Variants in CSMD3 observed in about 807,000 individuals in gnomAD.
CSMD3 encodes CUB and Sushi multiple domains 3, also known as CUB and sushi domain-containing protein 3.
A neutral mutation model predicts 435.2 loss-of-function variants in CSMD3; 177 were observed. The ratio of observed to expected loss-of-function variants is 0.41; its 90% CI spans 0.36 to 0.46. The LOEUF (loss-of-function observed/expected upper bound fraction) is 0.46, where lower values mean the gene tolerates loss of function less well. Among genes scored for constraint, CSMD3 ranks in the 20% least tolerant of loss-of-function variants. The pLI, the probability that CSMD3 is intolerant of heterozygous loss-of-function variation, is 0.34. For synonymous variants in CSMD3, 1,656 were observed against 1,520.5 expected (o/e 1.09, Z -2.07); for missense variants, 4,265 against 4,504.6 (o/e 0.95, Z 1.52).
intron 10 of CSMD3, among the ~76,000 whole-genome samples, chr8:112,902,198 G>C (rs1333198943): frequency 1.3e-5 from 2 of 151,158 alleles, no homozygotes; most frequent in African/African-American, 4.8e-5. Context: ...CTTGTCAGTG[G>C]CAAGACTACC....
chr8:113,074,166 G>C (rs891091494), intron 5 of CSMD3, among the ~76,000 whole-genome samples: 7 of 149,118 alleles, frequency 4.7e-5, no homozygotes, highest in African/African-American at 1.2e-4. Flanking sequence ...CACACACAGA[G>C]ACACACACAC....
At chr8:113,101,436 A>G (rs2090327311) in intron 4 of CSMD3, among the ~76,000 whole-genome samples, 1 of 152,048 alleles carries the variant, frequency 6.6e-6, no homozygotes, top group Non-Finnish European at 1.5e-5. Flanking sequence ...TTCACAATAG[A>G]CATTTAAATA....
intron 29 of CSMD3, among the ~76,000 whole-genome samples, chr8:112,504,470 G>T (rs556880531): frequency 6.6e-6 from 1 of 152,110 alleles, no homozygotes; most frequent in East Asian, 1.9e-4. Flanking sequence ...TCTACAATCA[G>T]ATATGGACAA....
rs541371378 is a variant in CSMD3, at chr8:113,415,584, T to C, written c.178+21093A>G. ...GACTTTTAGAATTTTCTACAGATTA[T>C]TAAAAATTTGGTGGATGTTGGCATA... On this transcript the variant is annotated intron_variant, in intron 1 of 70. Transcript: ENST00000297405. 2.0e-5 allele frequency among the ~76,000 whole-genome samples: 3 copies of C among 152,332 alleles called. No homozygotes were observed. In the South Asian group the frequency reaches 6.2e-4, roughly 32 times the overall value.
chr8:112,858,354 T>C (rs1296180084), intron 11 of CSMD3, among the ~76,000 whole-genome samples: 1 of 151,700 alleles, frequency 6.6e-6, no homozygotes, highest in African/African-American at 2.4e-5. Context: ...AAATTATACA[T>C]CAGTATATGA....
intron 10 of CSMD3, among the ~76,000 whole-genome samples, chr8:112,860,781 A>G (rs1442537551): frequency 6.6e-6 from 1 of 151,770 alleles, no homozygotes; most frequent in Non-Finnish European, 1.5e-5. Context: ...CTGCTCTACC[A>G]TATTATTTGT....
chr8:112,263,137 T>TA lies in CSMD3; in HGVS notation c.9862+501dup, dbSNP rs58022386. 5.3e-3 allele frequency among the ~76,000 whole-genome samples: 729 copies of TA among 137,998 alleles called. 4 individuals carry two copies. The highest frequency in any genetic ancestry group is 0.048 in the East Asian group (231 of 4,798). The allele number at this position is 137,998 out of a possible 152,430, so 90.5% of individuals were successfully genotyped here. On this transcript the variant is annotated intron_variant, in intron 61 of 70. Transcript: ENST00000297405. Reference sequence around the variant, plus strand: ...GGTATATAGTATACAGCAACCTCTGTAAAAAAAAAAAAAAAAAGGCAAAAC... The same window carrying TA: ...GGTATATAGTATACAGCAACCTCTGTAAAAAAAAAAAAAAAAAAGGCAAAAC...
At chr8:113,168,005 C>T (rs886349890) in intron 4 of CSMD3, among the ~76,000 whole-genome samples, 14 of 152,018 alleles carry the variant, frequency 9.2e-5, no homozygotes, top group African/African-American at 2.9e-4. Flanking sequence ...TCAGTCAAAC[C>T]GTCAATGCTT....
chr8:113,119,332 T>G (rs1262717441), intron 4 of CSMD3, among the ~76,000 whole-genome samples: 1 of 152,100 alleles, frequency 6.6e-6, no homozygotes, highest in Non-Finnish European at 1.5e-5. Flanking sequence ...TCTAAGAGAC[T>G]AAGAAAACAA....
intron 1 of CSMD3, among the ~76,000 whole-genome samples, chr8:113,378,777 G>A (rs2133094778): frequency 6.6e-6 from 1 of 151,964 alleles, no homozygotes; most frequent in South Asian, 2.1e-4. Flanking sequence ...GTGTGTGTGT[G>A]TGTGTGTGTG....
chr8:113,056,584 T>C (rs2088350601), intron 5 of CSMD3, among the ~76,000 whole-genome samples: 1 of 152,194 alleles, frequency 6.6e-6, no homozygotes. Flanking sequence ...TACACACCAA[T>C]TGGTTGAACA....
At chr8:112,225,619 C>T (rs1812488711) in intron 70 of CSMD3, among the ~76,000 whole-genome samples, 1 of 152,112 alleles carries the variant, frequency 6.6e-6, no homozygotes, top group African/African-American at 2.4e-5. Flanking sequence ...GAAGAGTACA[C>T]AATTAATGCT....
In CSMD3 at chr8:113,253,083, G is replaced by T. The variant is rs1447443427; in HGVS notation, c.514+25509C>A. ...AATTTAAAACTAAAAGAAAAGCACAGAATCCAGATAAGAGCTAAATCCATG... is the reference window on the plus strand; with the variant it reads ...AATTTAAAACTAAAAGAAAAGCACATAATCCAGATAAGAGCTAAATCCATG... On this transcript the variant is annotated intron_variant, in intron 3 of 70. Transcript: ENST00000297405. Among the ~76,000 whole-genome samples the T allele has an allele frequency of 2.0e-5, 3 of 152,074 alleles. No homozygotes were observed. The East Asian group carries it at 5.8e-4, about 29-fold the overall frequency.
At chr8:112,264,824 T>C (rs1816779936) in intron 60 of CSMD3, among the ~76,000 whole-genome samples, 1 of 152,128 alleles carries the variant, frequency 6.6e-6, no homozygotes, top group Non-Finnish European at 1.5e-5. Flanking sequence ...TGTACAGTAT[T>C]CTACAAGTAA....
At chr8:112,807,033 C>G (rs963412894) in intron 12 of CSMD3, among the ~76,000 whole-genome samples, 1 of 152,182 alleles carries the variant, frequency 6.6e-6, no homozygotes. Context: ...TCAAGATAAC[C>G]ATCACAATAA....
chr8:112,382,852 G>T (rs569752343), intron 37 of CSMD3, among the ~76,000 whole-genome samples: 1 of 152,096 alleles, frequency 6.6e-6, no homozygotes, highest in Non-Finnish European at 1.5e-5. Flanking sequence ...TTAGCTGGGC[G>T]TAGTGACGCA....
chr8:112,315,157 C>G (rs1034324703), intron 47 of CSMD3, among the ~76,000 whole-genome samples: 6 of 151,810 alleles, frequency 4.0e-5, no homozygotes, highest in Non-Finnish European at 7.4e-5. Context: ...TCACCAGTTG[C>G]CTTTCAGCTC....
chr8:112,613,562 A>G (rs904605031), intron 22 of CSMD3, among the ~76,000 whole-genome samples: 2 of 152,160 alleles, frequency 1.3e-5, no homozygotes, highest in Non-Finnish European at 2.9e-5. Context: ...GAAATGCCAC[A>G]TGGCCTTATA....
At chr8:112,979,105 T>C (rs936002236) in intron 6 of CSMD3, among the ~76,000 whole-genome samples, 2 of 151,928 alleles carry the variant, frequency 1.3e-5, no homozygotes, top group Admixed American at 6.6e-5. Context: ...AATCTGAAGA[T>C]TAAGTTGCAT....
Sources: allele counts gnomAD v4.1 joint callset (sites outside exome capture counted in the v4.1 genomes callset), GRCh38; gene constraint gnomAD v4.1.1; transcripts MANE v1.5; gene names NCBI Gene and HGNC (gene_info 2026-07-23, HGNC 2026-07-21).